PRKD3: variants seen among roughly 807,000 people sequenced by gnomAD.
The protein encoded by PRKD3 is serine/threonine-protein kinase D3.
Under a neutral mutation model 99.2 loss-of-function variants are expected in PRKD3, and 47 were observed. The ratio of observed to expected loss-of-function variants is 0.47; its 90% CI spans 0.38 to 0.60. PRKD3 has a LOEUF of 0.60. Ranked by LOEUF, PRKD3 falls within the 20% of genes least tolerant of loss-of-function variation. The pLI, the probability that PRKD3 is intolerant of heterozygous loss-of-function variation, is 0.00. For missense variants in PRKD3, 1,019 were observed against 1,088.4 expected (o/e 0.94, Z 0.90); for synonymous variants, 392 against 355.4 (o/e 1.10, Z -1.16).
intron 17 of PRKD3, among the ~76,000 whole-genome samples, chr2:37,255,974 C>T (rs1405743726): frequency 6.6e-6 from 1 of 152,108 alleles, no homozygotes; most frequent in Non-Finnish European, 1.5e-5. Flanking sequence ...TGTTTGTGCA[C>T]ACTTCAGCCT....
intron 2 of PRKD3, among the ~76,000 whole-genome samples, chr2:37,302,567 G>A (rs555091329): frequency 9.8e-5 from 15 of 152,294 alleles, no homozygotes; most frequent in African/African-American, 3.4e-4. Context: ...AAGGTGAACC[G>A]TTTCAAGTTC....
chr2:37,261,637 G>T (rs1055656954), intron 14 of PRKD3, among the ~76,000 whole-genome samples: 1 of 148,988 alleles, frequency 6.7e-6, no homozygotes, highest in African/African-American at 2.5e-5. Context: ...AAAATTAGCC[G>T]GGTGTGGTGG....
intron 2 of PRKD3, 44 bp from the exon 3 acceptor site, chr2:37,293,315 T>C (rs1361704887): frequency 6.9e-7 from 1 of 1,459,290 alleles, no homozygotes; most frequent in Admixed American, 2.0e-5. Flanking sequence ...CAGTTTTCTA[T>C]TTTTATAAGT....
At chr2:37,254,156 G>T in intron 18 of PRKD3, 48 bp downstream of exon 18, 1 of 1,379,348 alleles carries the variant, frequency 7.2e-7, no homozygotes, top group Non-Finnish European at 1.0e-6. Flanking sequence ...AAATCAGAGT[G>T]AACTACTCAA....
rs112465049 is a variant in PRKD3, at chr2:37,284,749, T to G, written c.910+1428A>C. Among the ~76,000 whole-genome samples the G allele has an allele frequency of 5.0e-3, 755 of 152,328 alleles. 8 individuals carry two copies. Among genetic ancestry groups the G allele is most frequent in the African/African-American group, 0.018 (733 of 41,570 alleles). Reference sequence around the variant, plus strand: ...ATCTATTCCCCATTTAATGTTCTTGTGTGCTATCATACACTGTCAAGAAAA... The same window carrying G: ...ATCTATTCCCCATTTAATGTTCTTGGGTGCTATCATACACTGTCAAGAAAA... On this transcript the variant is annotated intron_variant, in intron 6 of 18. Transcript: ENST00000234179.
chr2:37,305,943 G>A (rs1475007385), intron 2 of PRKD3, among the ~76,000 whole-genome samples: 1 of 152,068 alleles, frequency 6.6e-6, no homozygotes, highest in Admixed American at 6.5e-5. Flanking sequence ...GAAAACTGAG[G>A]GTCAGAAGTA....
chr2:37,265,886 A>G (rs1302955123), intron 14 of PRKD3, among the ~76,000 whole-genome samples: 4 of 152,188 alleles, frequency 2.6e-5, no homozygotes, highest in Non-Finnish European at 5.9e-5. Flanking sequence ...CATAGCTGAT[A>G]AGAGGAAAAA....
chr2:37,292,388 C>T (rs564868552), intron 3 of PRKD3, among the ~76,000 whole-genome samples: 14 of 151,606 alleles, frequency 9.2e-5, no homozygotes, highest in African/African-American at 3.4e-4. Context: ...CTCTGTTGCC[C>T]AGGCTGGAGT....
At chr2:37,270,589 G>A (rs2148528258) in intron 12 of PRKD3, among the ~76,000 whole-genome samples, 1 of 152,200 alleles carries the variant, frequency 6.6e-6, no homozygotes, top group South Asian at 2.1e-4. Flanking sequence ...CATTACAGGT[G>A]TGACTGATGA....
chr2:37,308,108 T>C (rs1165758472), intron 2 of PRKD3, among the ~76,000 whole-genome samples: 10 of 152,242 alleles, frequency 6.6e-5, no homozygotes, highest in Non-Finnish European at 1.2e-4. Flanking sequence ...TTTAATCTTT[T>C]TGTAAAACAT....
intron 14 of PRKD3, among the ~76,000 whole-genome samples, chr2:37,265,848 G>A (rs556718617): frequency 1.3e-5 from 2 of 152,180 alleles, no homozygotes; most frequent in East Asian, 3.9e-4. Context: ...GCATTACCTG[G>A]TTATTCCTAA....
intron 2 of PRKD3, among the ~76,000 whole-genome samples, chr2:37,313,475 CAT>C (rs1290099242): frequency 3.9e-5 from 6 of 152,096 alleles, no homozygotes; most frequent in East Asian, 1.9e-4. Context: ...TATTTAAACA[CAT>C]GTTTTCTATA....
chr2:37,272,687 A>T (rs1669344595), intron 11 of PRKD3, among the ~76,000 whole-genome samples: 1 of 152,246 alleles, frequency 6.6e-6, no homozygotes, highest in African/African-American at 2.4e-5. Context: ...AAAGTCAGAA[A>T]GCTAGTTATG....
At chr2:37,266,647 C>T (rs998543353) in intron 14 of PRKD3, among the ~76,000 whole-genome samples, 5 of 152,072 alleles carry the variant, frequency 3.3e-5, no homozygotes, top group East Asian at 1.9e-4. Context: ...CCACCGTGCC[C>T]GGCCTAGTTT....
chr2:37,290,743 T>C (rs2124838151), intron 4 of PRKD3, 125 bp downstream of exon 4: 1 of 1,047,590 alleles, frequency 9.5e-7, no homozygotes, highest in Non-Finnish European at 1.4e-6. Flanking sequence ...AGTCCTGATC[T>C]CTCCAATTCT....
chr2:37,281,281 C>T (rs1558550273), intron 7 of PRKD3, among the ~76,000 whole-genome samples: 1 of 152,008 alleles, frequency 6.6e-6, no homozygotes, highest in Non-Finnish European at 1.5e-5. Context: ...AACACGAAAA[C>T]ACAAATACAT....
intron 2 of PRKD3, among the ~76,000 whole-genome samples, chr2:37,295,873 C>G (rs1410308449): frequency 6.6e-6 from 1 of 152,102 alleles, no homozygotes; most frequent in East Asian, 1.9e-4. Flanking sequence ...GGAACAGGAA[C>G]AGAAAGAGAC....
intron 14 of PRKD3, among the ~76,000 whole-genome samples, chr2:37,261,878 T>C (rs761359677): frequency 2.6e-4 from 39 of 152,226 alleles, no homozygotes; most frequent in Non-Finnish European, 5.1e-4. Context: ...ATTCATTCAG[T>C]AAAAAACGTA....
chr2:37,320,302 A>G (rs1671824744), intron 1 of PRKD3, among the ~76,000 whole-genome samples: 1 of 152,182 alleles, frequency 6.6e-6, no homozygotes, highest in Admixed American at 6.5e-5. Context: ...TAACAATGGA[A>G]CAGGTTGTCT....
Sources: gnomAD v4.1 joint callset for allele counts (sites outside exome capture counted in the v4.1 genomes callset) on GRCh38, gnomAD v4.1.1 for gene constraint, MANE v1.5 for transcripts, NCBI Gene and HGNC (gene_info 2026-07-23, HGNC 2026-07-21) for gene names.